TRAIP: variants seen among roughly 807,000 people sequenced by gnomAD.
TRAIP encodes E3 ubiquitin-protein ligase TRAIP.
TRAIP carries 37 observed loss-of-function variants against 65.0 expected under a neutral mutation model. The observed-to-expected ratio is 0.57, with a 90% CI of 0.44 to 0.75. The LOEUF (loss-of-function observed/expected upper bound fraction) is 0.75. Ranked by LOEUF, TRAIP falls within the 30% of genes least tolerant of loss-of-function variation. TRAIP has a pLI of 0.00. For missense variants in TRAIP, 481 were observed against 579.4 expected, an observed-to-expected ratio of 0.83 and a Z score of 1.74; for synonymous variants, 187 against 219.1, an observed-to-expected ratio of 0.85 and a Z score of 1.29.
At position 49,828,865 on chromosome 3, in the gene TRAIP, G is replaced by A; in HGVS notation, c.*238C>T. Reference sequence around the variant, plus strand: ...TATAAACAGGAGCCTGGCAACAGGAGCAGGACCTGCTGACAGGATCAGTGG... The same window carrying A: ...TATAAACAGGAGCCTGGCAACAGGAACAGGACCTGCTGACAGGATCAGTGG... On this transcript the variant is annotated 3_prime_UTR_variant, in exon 15 of 15. Transcript: ENST00000331456. 1 of 528,416 alleles carries A rather than the reference G, an allele frequency of 1.9e-6. No homozygotes were observed. The highest frequency in any genetic ancestry group is 5.4e-4 in the Middle Eastern group (1 of 1,848). The allele number at this position is 528,416 out of a possible 1,614,324, so 32.7% of individuals were successfully genotyped here.
rs143716103 is a variant in TRAIP at position 49,829,476 on chromosome 3, C to G, written c.1269G>C (p.Arg423=). 404 of 1,614,072 alleles carry G rather than the reference C, an allele frequency of 2.5e-4. 3 individuals are homozygous for G. The East Asian group carries it at 7.2e-3, about 29-fold the overall frequency. ...AGGATACAGGCTGGATGAATTTTGT[C>G]CGGCCACCGAGCCCATCGAAGCCTG... The part of the protein sequence containing the change: ...VRTGFDGLGG[R]TKFIQPTDTV... The change falls in exon 14 of 15, where the codon CGG becomes CGC. Residue 423 remains arginine (R), a synonymous_variant. Transcript: ENST00000331456.
intron 9 of TRAIP, 115 bp from the exon 10 acceptor site, chr3:49,839,975 G>A: frequency 1.9e-6 from 2 of 1,057,772 alleles, no homozygotes; most frequent in Non-Finnish European, 2.9e-6. Context: ...ACAGAGCAAG[G>A]CCTGATACCT....
rs1164190719 is a variant in TRAIP at position 49,841,046 on chromosome 3, C to T, written c.644G>A (p.Arg215Gln). Residue 215 changes from arginine (R) to glutamine (Q), a missense_variant, in exon 8 of 15, where the codon CGG becomes CAG. Transcript: ENST00000331456. ...KKEYENLKEA[R>Q]KASGEVADKL... ...GTCAGCCACCTCCCCTGAGGCCTTC[C>T]GTGCCTCTTTTAGATTCTCGTACTC... is the stretch of plus-strand genomic sequence containing the variant. 1.2e-5 allele frequency: 20 copies of T among 1,614,028 alleles called. No homozygotes were observed. The highest frequency in any genetic ancestry group is 1.5e-5 in the Non-Finnish European group (18 of 1,180,022).
chr3:49,843,978 C>G, intron 4 of TRAIP, 50 bp from the exon 5 acceptor site: 5 of 1,563,532 alleles, frequency 3.2e-6, no homozygotes, highest in Non-Finnish European at 4.4e-6. Flanking sequence ...GTCCATCCAT[C>G]AGCAGAAGAA....
chr3:49,841,923 G>A lies in TRAIP; in HGVS notation c.520C>T (p.Gln174Ter). 6.2e-7 allele frequency: 1 copy of A among 1,614,198 alleles called. No individual in the cohort carries two copies. The highest frequency in any genetic ancestry group is 2.2e-5 in the East Asian group (1 of 44,886). Residue 174 changes from glutamine (Q) to a stop codon, truncating the protein, a stop_gained, in exon 7 of 15, where the codon CAG (glutamine) becomes TAG (stop). Coordinates refer to ENST00000331456, the MANE Select transcript of TRAIP (RefSeq NM_005879.3). LOFTEE classifies it high-confidence loss of function. ...KTMEQIELLLQSQRPEVEEMI... is the reference protein window; with the variant it reads ...KTMEQIELLL ...TCCTCCACCTCAGGGCGCTGGCTCT[G>A]GAGTAGAAGCTCAATCCTGAAAAAT...
At chr3:49,847,385 AAAAAGAAAAGAAAAG>A (rs746867614) in intron 3 of TRAIP, 125 bp downstream of exon 3, 60 of 644,100 alleles carry the variant, frequency 9.3e-5, no homozygotes, top group Non-Finnish European at 1.2e-4. Flanking sequence ...CTGTCTCTAA[AAAAAGAAAAGAAAAG>A]AAAAGAAAAG....
chr3:49,856,383 T>A lies in TRAIP; in HGVS notation c.71A>T (p.His24Leu), dbSNP rs747850471. The stretch of plus-strand genomic sequence containing the variant: ...CTGCAAGTGGAAGGTGTGGCCGCAG[T>A]GGATGGCGGCCACGTCGCGGGAGTG... ...FDHSRDVAAIHCGHTFHLQCL... is the reference protein window; with the variant it reads ...FDHSRDVAAILCGHTFHLQCL... The change falls in exon 1 of 15, where the codon CAC (histidine) becomes CTC (leucine). Residue 24 changes from histidine to leucine, a missense_variant. Transcript: ENST00000331456. 6.2e-7 allele frequency: 1 copy of A among 1,614,030 alleles called. No individual in the cohort carries two copies. The highest frequency in any genetic ancestry group is 8.5e-7 in the Non-Finnish European group (1 of 1,180,006).
At chr3:49,850,403 G>A (rs1366377299) in intron 1 of TRAIP, among the ~76,000 whole-genome samples, 2 of 151,856 alleles carry the variant, frequency 1.3e-5, no homozygotes, top group East Asian at 2.0e-4. Flanking sequence ...GGAGACTAAG[G>A]CAGAAGAATC....
At chr3:49,830,591 G>A (rs1392967990) in intron 11 of TRAIP, among the ~76,000 whole-genome samples, 2 of 152,204 alleles carry the variant, frequency 1.3e-5, no homozygotes, top group Admixed American at 6.5e-5. Flanking sequence ...TCTCCCTAGA[G>A]AGTGTGTCTA....
intron 14 of TRAIP, 72 bp downstream of exon 14, chr3:49,829,386 G>T: frequency 6.2e-7 from 1 of 1,612,600 alleles, no homozygotes; most frequent in Non-Finnish European, 8.5e-7. Flanking sequence ...GCACTGGCAG[G>T]CTGGGGGTAT....
chr3:49,855,913 TG>T (rs2108324556), intron 1 of TRAIP, among the ~76,000 whole-genome samples: 1 of 152,288 alleles, frequency 6.6e-6, no homozygotes, highest in Non-Finnish European at 1.5e-5. Flanking sequence ...GCGAATACAT[TG>T]GGGTGTCTGG....
intron 10 of TRAIP, among the ~76,000 whole-genome samples, chr3:49,837,651 G>A (rs559060788): frequency 3.0e-4 from 42 of 138,478 alleles, no homozygotes; most frequent in Admixed American, 9.2e-4. Context: ...GCACGATCTC[G>A]GCTCACTGCA....
chr3:49,839,393 CT>C (rs1333355232), intron 10 of TRAIP, among the ~76,000 whole-genome samples: 2 of 152,088 alleles, frequency 1.3e-5, no homozygotes, highest in Non-Finnish European at 2.9e-5. Context: ...GTGGCTCCCT[CT>C]GCTGGCAGCT....
At chr3:49,830,453 G>T (rs1220681328) in intron 11 of TRAIP, among the ~76,000 whole-genome samples, 2 of 152,230 alleles carry the variant, frequency 1.3e-5, no homozygotes, top group Non-Finnish European at 2.9e-5. Context: ...ACGAGCAAAA[G>T]AAATTTAATG....
At chr3:49,847,418 A>G in intron 3 of TRAIP, 107 bp downstream of exon 3, 1 of 759,830 alleles carries the variant, frequency 1.3e-6, no homozygotes, top group Non-Finnish European at 2.2e-6. Context: ...AAGAAAAGAG[A>G]AAAGAGAAGA....
Position 49,843,948 on chromosome 3 carries a change from C to T in TRAIP, c.281-20G>A, listed in dbSNP as rs373676531. On this transcript the variant is annotated intron_variant, in intron 4 of 14. Transcript: ENST00000331456. The stretch of plus-strand genomic sequence containing the variant: ...CCTTGTCTGGAGCAGGGGTAGAGGG[C>T]GGAGGAAAGGGAAAGGCCTGTCCAT... The T allele has an allele frequency of 2.3e-5, 36 of 1,593,424 alleles. No homozygotes were observed. The highest frequency in any genetic ancestry group is 1.7e-4 in the Middle Eastern group (1 of 6,018).
In TRAIP at chr3:49,849,100, C is replaced by T. The variant is rs568131001; in HGVS notation, c.99-900G>A. Among the ~76,000 whole-genome samples the T allele has an allele frequency of 2.6e-5, 4 of 152,222 alleles. No individual in the cohort carries two copies. The South Asian group carries it at 8.3e-4, about 32-fold the overall frequency. ...CCTCAAGTGATCCACCTGCCTCAGC[C>T]TCCCAAAGTGCTGGGATTACAGGTA... On this transcript the variant is annotated intron_variant, in intron 1 of 14. Coordinates refer to ENST00000331456, the MANE Select transcript of TRAIP (RefSeq NM_005879.3).
intron 1 of TRAIP, 62 bp downstream of exon 1, chr3:49,856,294 C>T (rs2081968941): frequency 6.9e-7 from 1 of 1,446,414 alleles, no homozygotes; most frequent in Non-Finnish European, 9.6e-7. Flanking sequence ...GGAGGCCCAA[C>T]ACCTCAAGGC....
chr3:49,835,634 CT>C (rs1450809837), intron 10 of TRAIP, among the ~76,000 whole-genome samples: 7 of 152,140 alleles, frequency 4.6e-5, no homozygotes, highest in African/African-American at 1.7e-4. Flanking sequence ...TAAGAAGCTT[CT>C]TAAAAAACTT....
Sources: gnomAD v4.1 joint callset for allele counts (sites outside exome capture counted in the v4.1 genomes callset) on GRCh38, gnomAD v4.1.1 for gene constraint, MANE v1.5 for transcripts, NCBI Gene and HGNC (gene_info 2026-07-23, HGNC 2026-07-21) for gene names.